The following ZNF407 variants were observed in gnomAD, a reference collection of about 807,000 sequenced individuals.
ZNF407 encodes the protein zinc finger protein 407.
Under a neutral mutation model 131.2 loss-of-function variants are expected in ZNF407, and 17 were observed. The ratio of observed to expected loss-of-function variants is 0.13; its 90% CI spans 0.09 to 0.19. The LOEUF (loss-of-function observed/expected upper bound fraction) is 0.19. ZNF407 is among the 10% of genes least tolerant of loss of function. The probability of loss-of-function intolerance (pLI) is 1.00; values close to 1 mark genes in which losing one functional copy is unlikely to be tolerated. For missense variants in ZNF407, 2,681 were observed against 2,830.6 expected, an observed-to-expected ratio of 0.95 and a Z score of 1.20; for synonymous variants, 1,156 against 1,062.0, an observed-to-expected ratio of 1.09 and a Z score of -1.72.
intron 3 of ZNF407, among the ~76,000 whole-genome samples, chr18:74,669,196 G>A (rs916696447): frequency 5.9e-5 from 9 of 152,284 alleles, no homozygotes; most frequent in African/African-American, 1.9e-4. Flanking sequence ...TTGCTGTCAC[G>A]CTTGTGCCCA....
At chr18:74,811,637 A>G (rs11150957) in intron 4 of ZNF407, among the ~76,000 whole-genome samples, 98,944 of 151,090 alleles carry the variant, frequency 0.65, 34,008 homozygotes, top group East Asian at 0.95. Flanking sequence ...ATGTCCAACA[A>G]TGATAGACTG....
At chr18:74,626,282 G>A (rs184256367) in intron 1 of ZNF407, among the ~76,000 whole-genome samples, 79 of 152,290 alleles carry the variant, frequency 5.2e-4, no homozygotes, top group Non-Finnish European at 9.8e-4. Context: ...AACAGTACAG[G>A]CACTTTGAAA....
At position 74,703,857 on chromosome 18, in the gene ZNF407, T is replaced by C. The variant is rs1967559015; in HGVS notation, c.4802+62735T>C. ...TAATCATTTAATATTCTTAGGTAAG[T>C]TGAGATATGAGGTGGTAAATGTCAA... On this transcript the variant is annotated intron_variant, in intron 3 of 8. Coordinates refer to ENST00000299687, the MANE Select transcript of ZNF407 (RefSeq NM_017757.3). The surrounding 1 kb of genome is among the most constrained non-coding windows in gnomAD (Gnocchi z 4.1). Among the ~76,000 whole-genome samples the C allele has an allele frequency of 6.6e-6, 1 of 152,342 alleles. No individual in the cohort carries two copies. The highest frequency in any genetic ancestry group is 2.1e-4 in the South Asian group (1 of 4,824).
At chr18:74,885,394 G>C (rs1056021206) in intron 6 of ZNF407, among the ~76,000 whole-genome samples, 2 of 152,194 alleles carry the variant, frequency 1.3e-5, no homozygotes, top group Non-Finnish European at 2.9e-5. Flanking sequence ...TTATAGATCA[G>C]ACAATTTAAT....
At chr18:74,886,343 G>A (rs770366451) in intron 6 of ZNF407, among the ~76,000 whole-genome samples, 5 of 152,102 alleles carry the variant, frequency 3.3e-5, no homozygotes, top group Non-Finnish European at 5.9e-5. Context: ...AAACAGTGTG[G>A]CAGTTTCTTA....
intron 1 of ZNF407, among the ~76,000 whole-genome samples, chr18:74,606,124 A>G (rs1193121318): frequency 6.6e-6 from 1 of 152,224 alleles, no homozygotes; most frequent in Non-Finnish European, 1.5e-5. Context: ...GAGCTTTTCC[A>G]GAAAATAAAT....
chr18:75,002,070 A>G (rs1474485907), intron 8 of ZNF407, among the ~76,000 whole-genome samples: 2 of 152,228 alleles, frequency 1.3e-5, no homozygotes. Flanking sequence ...GAGGAAACCA[A>G]GAGAGTGGGC....
intron 8 of ZNF407, among the ~76,000 whole-genome samples, chr18:75,019,278 G>A (rs1044213957): frequency 3.3e-5 from 5 of 151,988 alleles, no homozygotes; most frequent in Non-Finnish European, 5.9e-5. Flanking sequence ...GAAAATTAAG[G>A]TAAGATTTTG....
At chr18:75,006,047 A>G (rs2122170455) in intron 8 of ZNF407, among the ~76,000 whole-genome samples, 1 of 152,286 alleles carries the variant, frequency 6.6e-6, no homozygotes, top group South Asian at 2.1e-4. Context: ...GAAATCAGAC[A>G]CTGAGAGAGG....
At chr18:75,040,484 T>A (rs1973360215) in intron 8 of ZNF407, among the ~76,000 whole-genome samples, 1 of 152,176 alleles carries the variant, frequency 6.6e-6, no homozygotes, top group Non-Finnish European at 1.5e-5. Flanking sequence ...ACCTTTATAT[T>A]CTTAATATCT....
chr18:75,022,241 T>C (rs1973119754), intron 8 of ZNF407, among the ~76,000 whole-genome samples: 1 of 152,188 alleles, frequency 6.6e-6, no homozygotes, highest in African/African-American at 2.4e-5. Flanking sequence ...TTCCTAGTTT[T>C]TGGACATTAA....
At chr18:74,622,167 A>T (rs752553183) in intron 1 of ZNF407, among the ~76,000 whole-genome samples, 1 of 152,064 alleles carries the variant, frequency 6.6e-6, no homozygotes, top group African/African-American at 2.4e-5. Context: ...GAGAGGGTGG[A>T]GTGCAGCGCC....
chr18:74,963,170 G>A (rs199746798), intron 8 of ZNF407, among the ~76,000 whole-genome samples: 3 of 57,788 alleles, frequency 5.2e-5, no homozygotes, highest in Non-Finnish European at 7.4e-5. Context: ...TTTTTTTTTT[G>A]TCCTGAATGG....
rs1973308336 is a variant in ZNF407 at position 75,036,358 on chromosome 18, A to T, written c.5429-26792A>T. ...GGGATGGAGGGAAGTGTGACCTGAC[A>T]GTCCCTGACTGAGCATGGTGCCCTC... On this transcript the variant is annotated intron_variant, in intron 8 of 8. Coordinates refer to ENST00000299687, the MANE Select transcript of ZNF407 (RefSeq NM_017757.3). 1.3e-5 allele frequency among the ~76,000 whole-genome samples: 2 copies of T among 152,220 alleles called. 1 individual carries two copies. The highest frequency in any genetic ancestry group is 4.1e-4 in the South Asian group (2 of 4,838).
chr18:74,666,214 A>T (rs1198678645), intron 3 of ZNF407, among the ~76,000 whole-genome samples: 1 of 152,162 alleles, frequency 6.6e-6, no homozygotes, highest in East Asian at 1.9e-4. Context: ...ATTGGCTACC[A>T]TCAGCTTGCA....
At chr18:74,696,179 G>A (rs1472272649) in intron 3 of ZNF407, among the ~76,000 whole-genome samples, 3 of 152,202 alleles carry the variant, frequency 2.0e-5, no homozygotes, top group Non-Finnish European at 4.4e-5. Context: ...AACGTGTGCT[G>A]GCTGTTGGAG....
At chr18:74,987,010 T>C (rs2959166) in intron 8 of ZNF407, among the ~76,000 whole-genome samples, 31,291 of 152,150 alleles carry the variant, frequency 0.21, 3,669 homozygotes, top group Admixed American at 0.3. Flanking sequence ...CATGTAAAGG[T>C]ATTTTTGAGC....
At chr18:74,649,402 C>T (rs916391765) in intron 3 of ZNF407, among the ~76,000 whole-genome samples, 1 of 152,132 alleles carries the variant, frequency 6.6e-6, no homozygotes, top group South Asian at 2.1e-4. Flanking sequence ...CTTATGTCAA[C>T]ACATCTGGTA....
intron 8 of ZNF407, among the ~76,000 whole-genome samples, chr18:74,977,059 T>G (rs181008817): frequency 6.6e-6 from 1 of 152,368 alleles, no homozygotes; most frequent in African/African-American, 2.4e-5. Flanking sequence ...TTTAACCATT[T>G]AGTCAATTGT....
Sources: gnomAD v4.1 joint callset for allele counts (sites outside exome capture counted in the v4.1 genomes callset) on GRCh38, gnomAD v4.1.1 for gene constraint, Gnocchi (gnomAD v3.1) non-coding constraint, MANE v1.5 for transcripts, NCBI Gene and HGNC (gene_info 2026-07-23, HGNC 2026-07-21) for gene names.